SLC25A21: variants seen among roughly 807,000 people sequenced by gnomAD.
SLC25A21 encodes the protein solute carrier family 25 member 21, also known as mitochondrial 2-oxodicarboxylate carrier.
A neutral mutation model predicts 43.8 loss-of-function variants in SLC25A21; 47 were observed. The observed-to-expected ratio is 1.07, with a 90% CI of 0.85 to 1.37. SLC25A21 has a LOEUF of 1.37. Ranked by LOEUF, SLC25A21 falls within the 40% of genes most tolerant of loss-of-function variation. SLC25A21 has a pLI of 0.00. For synonymous variants in SLC25A21, 131 were observed against 121.3 expected, an observed-to-expected ratio of 1.08 and a Z score of -0.52; for missense variants, 352 against 350.2, an observed-to-expected ratio of 1.00 and a Z score of -0.04.
intron 1 of SLC25A21, chr14:37,097,975 T>C (rs1005692960): frequency 6.6e-6 from 1 of 152,152 alleles, no homozygotes; most frequent in Non-Finnish European, 1.5e-5. Context: ...GGGCAAAATG[T>C]CAACAGCAGT....
In SLC25A21 at chr14:36,783,854, T is replaced by G. The variant is rs142630427; in HGVS notation, c.203+30064A>C. 4.4e-3 allele frequency among the ~76,000 whole-genome samples: 666 copies of G among 152,304 alleles called. 3 individuals carry two copies. The highest frequency in any genetic ancestry group is 0.015 in the African/African-American group (624 of 41,556). On this transcript the variant is annotated intron_variant, in intron 3 of 9. Transcript: ENST00000331299. ...TGCCATCTTGCTGATGTCACTCACC[T>G]GGAGTCAGTGTGAATTAATGCAAAT...
intron 1 of SLC25A21, among the ~76,000 whole-genome samples, chr14:36,989,747 T>C (rs1160631383): frequency 1.3e-5 from 2 of 152,140 alleles, no homozygotes; most frequent in Non-Finnish European, 1.5e-5. Context: ...TTAACATTTA[T>C]AGTGATTCTA....
At chr14:36,818,187 G>A (rs1888517242) in intron 2 of SLC25A21, among the ~76,000 whole-genome samples, 1 of 152,158 alleles carries the variant, frequency 6.6e-6, no homozygotes, top group African/African-American at 2.4e-5. Flanking sequence ...GGCTATTTAT[G>A]GGTGGGAAAT....
intron 1 of SLC25A21, among the ~76,000 whole-genome samples, chr14:37,137,559 G>A (rs1338735893): frequency 6.6e-6 from 1 of 152,114 alleles, no homozygotes; most frequent in Non-Finnish European, 1.5e-5. Flanking sequence ...AAAATATAAA[G>A]TAAATAAGAA....
At chr14:37,150,284 C>A (rs1212524862) in intron 1 of SLC25A21, among the ~76,000 whole-genome samples, 2 of 152,078 alleles carry the variant, frequency 1.3e-5, no homozygotes, top group African/African-American at 4.8e-5. Flanking sequence ...CTAAGATCTA[C>A]AAGAAATTAT....
chr14:36,710,204 G>A (rs1268523606), intron 7 of SLC25A21, among the ~76,000 whole-genome samples: 2 of 151,736 alleles, frequency 1.3e-5, no homozygotes, highest in Admixed American at 6.6e-5. Flanking sequence ...GGTCATCATG[G>A]TGCCAAAATA....
At chr14:36,683,570 C>T (rs567271503) in intron 9 of SLC25A21, among the ~76,000 whole-genome samples, 1 of 152,346 alleles carries the variant, frequency 6.6e-6, no homozygotes, top group Admixed American at 6.5e-5. Flanking sequence ...CTGCCTGTGG[C>T]TTCTTCCTAT....
Position 37,040,206 on chromosome 14 carries a change from A to AAAAAAG in SLC25A21, c.70+132069_70+132074dup, listed in dbSNP as rs374378504. On this transcript the variant is annotated intron_variant, in intron 1 of 9. Coordinates refer to ENST00000331299, the MANE Select transcript of SLC25A21 (RefSeq NM_030631.4). ...CAGAGTGAGAATCCAAGAAGAAAGA[A>AAAAAAG]AAAAAGAAAAAGAAAAAGAAAAAGA... 5.0e-4 allele frequency among the ~76,000 whole-genome samples: 19 copies of AAAAAAG among 37,848 alleles called. No individual in the cohort carries two copies. The South Asian group carries it at 7.4e-3, about 15-fold the overall frequency. 24.8% of individuals were successfully genotyped at this position (37,848 alleles called of 152,430 possible).
intron 1 of SLC25A21, among the ~76,000 whole-genome samples, chr14:36,959,726 C>T (rs1354467388): frequency 6.6e-6 from 1 of 152,178 alleles, no homozygotes; most frequent in Non-Finnish European, 1.5e-5. Context: ...CTGCCAGTTC[C>T]CGGTAAACAG....
At chr14:36,935,786 GTA>G (rs1892408216) in intron 1 of SLC25A21, among the ~76,000 whole-genome samples, 1 of 152,104 alleles carries the variant, frequency 6.6e-6, no homozygotes, top group Admixed American at 6.6e-5. Context: ...CCCCAAAAGT[GTA>G]TATATGGTCC....
At chr14:36,789,301 T>G (rs1887359565) in intron 3 of SLC25A21, among the ~76,000 whole-genome samples, 2 of 152,124 alleles carry the variant, frequency 1.3e-5, no homozygotes, top group Admixed American at 6.5e-5. Flanking sequence ...CTGGTTTTCC[T>G]TAAAGTATTT....
intron 1 of SLC25A21, among the ~76,000 whole-genome samples, chr14:37,166,408 A>C (rs1007370213): frequency 6.6e-6 from 1 of 152,252 alleles, no homozygotes; most frequent in Non-Finnish European, 1.5e-5. Context: ...TACAGCGATT[A>C]TAAGAGTAGA....
At chr14:36,749,263 T>C (rs1432266040) in intron 3 of SLC25A21, among the ~76,000 whole-genome samples, 1 of 152,190 alleles carries the variant, frequency 6.6e-6, no homozygotes, top group Admixed American at 6.5e-5. Context: ...TAAATTCTTC[T>C]AAATTTAATT....
Position 36,711,464 on chromosome 14 carries a change from A to G in SLC25A21, c.457T>C (p.Tyr153His), listed in dbSNP as rs757530434. The change falls in exon 7 of 10, where the codon TAT becomes CAT. Residue 153 changes from tyrosine (Y) to histidine (H), a missense_variant. By Grantham distance (83) the Tyr-to-His change is moderately conservative (BLOSUM62 2). Transcript: ENST00000331299. ...TFAEQPSTVG[Y>H]ARQIIKKEGW... ...TCCTTCTTAATGATTTGTCTTGCAT[A>G]ACCCACAGTGGATGGTTGCTGCAGA... is the stretch of plus-strand genomic sequence containing the variant. 3.1e-6 allele frequency: 5 copies of G among 1,613,734 alleles called. No homozygotes were observed. Among genetic ancestry groups the G allele is most frequent in the African/African-American group, 1.3e-5 (1 of 74,910 alleles).
At chr14:37,043,934 T>TTTTTTG (rs1297446768) in intron 1 of SLC25A21, among the ~76,000 whole-genome samples, 8 of 108,426 alleles carry the variant, frequency 7.4e-5, no homozygotes, top group Admixed American at 3.3e-4. Context: ...TGTTTTATGT[T>TTTTTTG]TTTTTGTTTT....
At chr14:37,007,592 C>A (rs992869498) in intron 1 of SLC25A21, among the ~76,000 whole-genome samples, 2 of 112,566 alleles carry the variant, frequency 1.8e-5, no homozygotes, top group African/African-American at 4.5e-5. Flanking sequence ...GACAAGACTC[C>A]CTCTCAAAAA....
chr14:36,834,812 C>T (rs541357768), intron 2 of SLC25A21, among the ~76,000 whole-genome samples: 1 of 152,118 alleles, frequency 6.6e-6, no homozygotes, highest in South Asian at 2.1e-4. Context: ...ACGAAAGGGC[C>T]TTTTTGTCAA....
rs184791077 is a variant in SLC25A21, at chr14:37,043,202, T to C, written c.70+129079A>G. Among the ~76,000 whole-genome samples the C allele has an allele frequency of 1.3e-3, 200 of 152,306 alleles. 1 individual carries two copies. The highest frequency in any genetic ancestry group is 2.7e-3 in the Admixed American group (42 of 15,294). ...TTTCACCTAGTTCAGACAGGACCCATTTCCTCTATACAAATGTACAGCTAA... is the reference window on the plus strand; with the variant it reads ...TTTCACCTAGTTCAGACAGGACCCACTTCCTCTATACAAATGTACAGCTAA... On this transcript the variant is annotated intron_variant, in intron 1 of 9. Transcript: ENST00000331299.
chr14:36,813,079 AT>A (rs1555329933), intron 3 of SLC25A21, among the ~76,000 whole-genome samples: 1 of 152,088 alleles, frequency 6.6e-6, no homozygotes, highest in East Asian at 1.9e-4. Context: ...AGTTAAAAAA[AT>A]TTTTTTTATT....
Sources: gnomAD v4.1 joint callset for allele counts (sites outside exome capture counted in the v4.1 genomes callset) on GRCh38, gnomAD v4.1.1 for gene constraint, MANE v1.5 for transcripts, NCBI Gene and HGNC (gene_info 2026-07-23, HGNC 2026-07-21) for gene names.